The following ANXA1 variants were observed in gnomAD, a reference collection of about 807,000 sequenced individuals.
ANXA1 encodes the protein annexin A1, also known as annexin I (lipocortin I).
ANXA1 carries 39 observed loss-of-function variants against 47.9 expected under a neutral mutation model. The ratio of observed to expected loss-of-function variants is 0.81; its 90% CI spans 0.63 to 1.06. The LOEUF (loss-of-function observed/expected upper bound fraction) is 1.06, where lower values mean the gene tolerates loss of function less well. Among genes scored for constraint, ANXA1 ranks in the 50% least tolerant of loss-of-function variants. The pLI is 0.00. For missense variants in ANXA1, 446 were observed against 422.7 expected, an observed-to-expected ratio of 1.06 and a Z score of -0.48; for synonymous variants, 146 against 142.5, an observed-to-expected ratio of 1.02 and a Z score of -0.17.
At position 73,170,318 on chromosome 9, in the gene ANXA1, C is replaced by A. The variant is rs1824302835; in HGVS notation, c.*211C>A. On this transcript the variant is annotated 3_prime_UTR_variant, in exon 13 of 13. Transcript: ENST00000257497. ...AATGTTTTCCCCAAACCATAAAACC[C>A]TATACAAGTTGTTCTAGTAACAATA... The A allele has an allele frequency of 5.0e-5, 19 of 378,286 alleles. No homozygotes were observed. Among genetic ancestry groups the A allele is most frequent in the Admixed American group, 1.3e-4 (3 of 23,350 alleles). 23.4% of individuals were successfully genotyped at this position (378,286 alleles called of 1,614,324 possible). A position where few individuals can be genotyped will look rare whatever the true frequency, so the allele number is the denominator to read the frequency against.
intron 5 of ANXA1, 22 bp from the exon 6 acceptor site, chr9:73,160,781 C>A: frequency 6.3e-7 from 1 of 1,575,680 alleles, no homozygotes; most frequent in Non-Finnish European, 8.7e-7. Context: ...TACATTTATC[C>A]TTTTCTTCTC....
intron 10 of ANXA1, among the ~76,000 whole-genome samples, chr9:73,167,095 C>T (rs1480938652): frequency 6.6e-6 from 1 of 152,058 alleles, no homozygotes; most frequent in Non-Finnish European, 1.5e-5. Context: ...CTCTCCCTGC[C>T]CTCTCTAGTA....
chr9:73,160,311 G>A lies in ANXA1; in HGVS notation c.319G>A (p.Val107Ile), dbSNP rs780151305. ...KKALTGHLEE[V>I]VLALLKTPAQ... Reference sequence around the variant, plus strand: ...AGCCCTTACAGGTCACCTTGAGGAGGTTGTTTTAGCTCTGCTAAAAACTCC... The same window carrying A: ...AGCCCTTACAGGTCACCTTGAGGAGATTGTTTTAGCTCTGCTAAAAACTCC... The change falls in exon 5 of 13, where the codon GTT becomes ATT. Residue 107 changes from valine to isoleucine, a missense_variant. Transcript: ENST00000257497. 9 of 1,585,610 alleles carry A rather than the reference G, an allele frequency of 5.7e-6. No homozygotes were observed. The highest frequency in any genetic ancestry group is 7.7e-6 in the Non-Finnish European group (9 of 1,171,252).
chr9:73,158,801 A>C lies in ANXA1; in HGVS notation c.173A>C (p.Lys58Thr). ...GCCTTGCATAAGGCCATAATGGTTA[A>C]AGGTAACGTGTTTCCTCAAAACAGT... is the stretch of plus-strand genomic sequence containing the variant. ...VAALHKAIMV[K>T]GVDEATIIDI... The change falls in exon 3 of 13, where the codon AAA becomes ACA. Residue 58 changes from lysine to threonine, a missense_variant and splice_region_variant. Coordinates refer to ENST00000257497, the MANE Select transcript of ANXA1 (RefSeq NM_000700.3). 1 of 1,613,008 alleles carries C rather than the reference A, an allele frequency of 6.2e-7. No individual in the cohort carries two copies. Among genetic ancestry groups the C allele is most frequent in the Non-Finnish European group, 8.5e-7 (1 of 1,179,142 alleles).
chr9:73,169,978 C>T, intron 12 of ANXA1, 73 bp from the exon 13 acceptor site: 1 of 1,120,350 alleles, frequency 8.9e-7, no homozygotes. Flanking sequence ...AAAAATAATT[C>T]TTCTATAAGT....
chr9:73,155,328 A>G (rs1824030652), intron 1 of ANXA1, among the ~76,000 whole-genome samples: 1 of 152,186 alleles, frequency 6.6e-6, no homozygotes, highest in African/African-American at 2.4e-5. Context: ...AGTTGATAGA[A>G]CAGGCTCTTT....
chr9:73,156,083 T>A lies in ANXA1; in HGVS notation c.-14-2439T>A, dbSNP rs187297710. ...CTTTTGCTTTCTTTTGAAGTTTTTA[T>A]TTGCTAATTGAAAAGAATGGAATAA... On this transcript the variant is annotated intron_variant, in intron 1 of 12. Transcript: ENST00000257497. Among the ~76,000 whole-genome samples the A allele has an allele frequency of 4.8e-5, 7 of 146,030 alleles. No individual in the cohort carries two copies. The Admixed American group carries it at 4.9e-4, about 10-fold the overall frequency.
chr9:73,162,718 G>A (rs1036496265), intron 6 of ANXA1, 64 bp from the exon 7 acceptor site: 23 of 1,267,232 alleles, frequency 1.8e-5, no homozygotes, highest in Non-Finnish European at 2.5e-5. Flanking sequence ...ACTTAGAGAT[G>A]TCAGATATTC....
intron 1 of ANXA1, among the ~76,000 whole-genome samples, chr9:73,155,166 A>G (rs1389754171): frequency 2.0e-5 from 3 of 152,194 alleles, no homozygotes; most frequent in East Asian, 1.9e-4. Context: ...ATTAGAAGAA[A>G]TGTGAAATAT....
chr9:73,158,476 T>C (rs1238068968), intron 1 of ANXA1, 46 bp from the exon 2 acceptor site: 1 of 1,416,934 alleles, frequency 7.1e-7, no homozygotes. Flanking sequence ...AGAGGTTGTG[T>C]GTGGTGCATT....
chr9:73,160,432 C>A, intron 5 of ANXA1, 56 bp downstream of exon 5: 4 of 1,220,154 alleles, frequency 3.3e-6, no homozygotes, highest in South Asian at 3.1e-5. Flanking sequence ...TTGGGCAAGT[C>A]ACTTATGCTT....
chr9:73,158,459 A>C (rs1043985644), intron 1 of ANXA1, 63 bp from the exon 2 acceptor site: 4 of 1,255,106 alleles, frequency 3.2e-6, no homozygotes, highest in Non-Finnish European at 4.6e-6. Flanking sequence ...GTAAGAGGTG[A>C]GGAAGGAGAG....
intron 8 of ANXA1, among the ~76,000 whole-genome samples, chr9:73,164,094 T>C (rs1824188267): frequency 6.6e-6 from 1 of 152,142 alleles, no homozygotes; most frequent in Non-Finnish European, 1.5e-5. Flanking sequence ...AATCATATCA[T>C]TTTAAAGCCT....
intron 12 of ANXA1, among the ~76,000 whole-genome samples, chr9:73,169,409 C>CA: frequency 6.6e-6 from 1 of 152,110 alleles, no homozygotes. Context: ...ATTCAGCAAG[C>CA]AGAATATTCT....
chr9:73,163,035 G>A (rs1469473381), intron 7 of ANXA1, among the ~76,000 whole-genome samples, 174 bp downstream of exon 7: 5 of 152,136 alleles, frequency 3.3e-5, no homozygotes, highest in Admixed American at 2.0e-4. Flanking sequence ...TCTATGTCTG[G>A]TGAGAGCCTC....
At chr9:73,169,233 AT>A in intron 12 of ANXA1, 79 bp downstream of exon 12, 1 of 1,416,146 alleles carries the variant, frequency 7.1e-7, no homozygotes, top group African/African-American at 1.4e-5. Flanking sequence ...GAGTTGACTT[AT>A]TGTATCTATA....
At chr9:73,165,543 A>C (rs554055633) in intron 9 of ANXA1, 25 of 170,000 alleles carry the variant, frequency 1.5e-4, no homozygotes, top group Admixed American at 4.3e-4. Context: ...AAAAAAAAAA[A>C]AACAAAAAAC....
chr9:73,161,402 C>G (rs371678962), intron 6 of ANXA1, among the ~76,000 whole-genome samples: 1 of 152,146 alleles, frequency 6.6e-6, no homozygotes, highest in South Asian at 2.1e-4. Context: ...ACATAAGAGA[C>G]TCACTTTATC....
chr9:73,168,226 T>C (rs1185221941), intron 11 of ANXA1: 1 of 152,162 alleles, frequency 6.6e-6, no homozygotes, highest in Non-Finnish European at 1.5e-5. Context: ...TGAATATATA[T>C]GAATAATTTG....
Sources: allele counts gnomAD v4.1 joint callset (sites outside exome capture counted in the v4.1 genomes callset), GRCh38; gene constraint gnomAD v4.1.1; transcripts MANE v1.5; gene names NCBI Gene and HGNC (gene_info 2026-07-23, HGNC 2026-07-21).